Variants in SRPK2 observed in about 807,000 individuals in gnomAD.
SRPK2 encodes the protein SFRS protein kinase 2.
Under a neutral mutation model 90.8 loss-of-function variants are expected in SRPK2, and 21 were observed. The observed-to-expected ratio is 0.23, with a 90% CI of 0.16 to 0.33. SRPK2 has a LOEUF of 0.33. SRPK2 is among the 10% of genes least tolerant of loss of function. The pLI is 1.00. For missense variants in SRPK2, 620 were observed against 869.0 expected (o/e 0.71, Z 3.60); for synonymous variants, 288 against 311.1 (o/e 0.93, Z 0.78).
chr7:105,287,651 G>A (rs1161942532), intron 2 of SRPK2, among the ~76,000 whole-genome samples: 3 of 152,114 alleles, frequency 2.0e-5, no homozygotes, highest in Non-Finnish European at 2.9e-5. Flanking sequence ...TAGGAGAATC[G>A]CTTGAACCCA....
intron 2 of SRPK2, among the ~76,000 whole-genome samples, chr7:105,312,259 G>A (rs910420455): frequency 6.6e-6 from 1 of 152,060 alleles, no homozygotes; most frequent in Admixed American, 6.6e-5. Flanking sequence ...GGACAATATA[G>A]TGAAACTACG....
chr7:105,194,203 A>C (rs1013642881), intron 3 of SRPK2, among the ~76,000 whole-genome samples: 1 of 152,118 alleles, frequency 6.6e-6, no homozygotes, highest in Non-Finnish European at 1.5e-5. Context: ...TTTTTGCTAG[A>C]AACTTTACAG....
At chr7:105,176,745 G>A (rs1022601812) in intron 3 of SRPK2, among the ~76,000 whole-genome samples, 194 of 92,210 alleles carry the variant, frequency 2.1e-3, no homozygotes, top group Non-Finnish European at 3.1e-3. Flanking sequence ...ATGTATGTGT[G>A]TATATGTGTG....
intron 2 of SRPK2, among the ~76,000 whole-genome samples, chr7:105,352,267 CCTT>C (rs928319126): frequency 1.1e-4 from 17 of 152,188 alleles, no homozygotes; most frequent in African/African-American, 4.1e-4. Context: ...CCAGTAACTC[CCTT>C]CTAACAAACG....
At position 105,361,608 on chromosome 7, in the gene SRPK2, T is replaced by A. The variant is rs558623113; in HGVS notation, c.71+27040A>T. Among the ~76,000 whole-genome samples the A allele has an allele frequency of 9.2e-5, 14 of 152,292 alleles. No homozygotes were observed. The South Asian group carries it at 2.9e-3, about 32-fold the overall frequency. ...GGCTACAGTAACAAAAACAGCATGG[T>A]ACTGGTACCAAAACAGATATATAGA... is the stretch of plus-strand genomic sequence containing the variant. On this transcript the variant is annotated intron_variant, in intron 2 of 15. Coordinates refer to ENST00000393651, the MANE Select transcript of SRPK2 (RefSeq NM_182692.3).
intron 2 of SRPK2, among the ~76,000 whole-genome samples, chr7:105,334,923 CT>C (rs1233677154): frequency 2.7e-5 from 4 of 150,786 alleles, no homozygotes; most frequent in Admixed American, 6.6e-5. Flanking sequence ...TAATCCCAGA[CT>C]TTGGGAGGCC....
intron 2 of SRPK2, among the ~76,000 whole-genome samples, chr7:105,282,478 ATAAAAAT>A (rs900365404): frequency 5.3e-5 from 8 of 152,364 alleles, no homozygotes; most frequent in African/African-American, 1.9e-4. Context: ...ACTTAACATC[ATAAAAAT>A]TAAAAACATT....
intron 7 of SRPK2, among the ~76,000 whole-genome samples, chr7:105,154,568 C>T (rs567796223): frequency 2.0e-5 from 3 of 152,198 alleles, no homozygotes; most frequent in East Asian, 1.9e-4. Context: ...CCGTGGCTCT[C>T]GGCATACTAG....
chr7:105,287,406 T>C (rs1361895098), intron 2 of SRPK2, among the ~76,000 whole-genome samples: 1 of 151,674 alleles, frequency 6.6e-6, no homozygotes, highest in Admixed American at 6.6e-5. Context: ...CACAGGTACA[T>C]ATACATGTGT....
chr7:105,212,756 C>G lies in SRPK2; in HGVS notation c.72-8971G>C, dbSNP rs181654255. Among the ~76,000 whole-genome samples, 241 of 152,204 alleles carry G rather than the reference C, an allele frequency of 1.6e-3. 1 individual carries two copies. The highest frequency in any genetic ancestry group is 2.9e-3 in the Non-Finnish European group (194 of 67,998). On this transcript the variant is annotated intron_variant, in intron 2 of 15. Transcript: ENST00000393651. Reference sequence around the variant, plus strand: ...TGGGAAAACGCTGCAATTGTTAGTCCAGGACAGAGATGATTAAAAACTGGA... The same window carrying G: ...TGGGAAAACGCTGCAATTGTTAGTCGAGGACAGAGATGATTAAAAACTGGA...
chr7:105,388,836 T>C lies in SRPK2; in HGVS notation c.-30A>G. 1 of 1,333,666 alleles carries C rather than the reference T, an allele frequency of 7.5e-7. No individual in the cohort carries two copies. Among genetic ancestry groups the C allele is most frequent in the Non-Finnish European group, 9.5e-7 (1 of 1,047,918 alleles). The allele number at this position is 1,333,666 out of a possible 1,614,324, so 82.6% of individuals were successfully genotyped here. The stretch of plus-strand genomic sequence containing the variant: ...ACGCGGCGGAAGCGGGGCGGGGGGC[T>C]TCGCGACGGCGACGCGGGCGCCGAG... On this transcript the variant is annotated 5_prime_UTR_variant, in exon 1 of 16. Coordinates refer to ENST00000393651, the MANE Select transcript of SRPK2 (RefSeq NM_182692.3).
At chr7:105,302,151 A>G (rs1810626598) in intron 2 of SRPK2, 6 of 1,150,688 alleles carry the variant, frequency 5.2e-6, no homozygotes, top group Admixed American at 3.5e-5. Flanking sequence ...AAAATCTTTC[A>G]TTACCATTTT....
chr7:105,141,523 G>A (rs1803773305), intron 11 of SRPK2, among the ~76,000 whole-genome samples: 2 of 151,928 alleles, frequency 1.3e-5, no homozygotes, highest in Admixed American at 6.6e-5. Context: ...TACAATCCTG[G>A]GCCAGTTACC....
At chr7:105,154,980 A>G (rs1806285433) in intron 7 of SRPK2, among the ~76,000 whole-genome samples, 2 of 148,866 alleles carry the variant, frequency 1.3e-5, no homozygotes, top group Non-Finnish European at 3.0e-5. Context: ...GCCCACCCTT[A>G]TTCTTGTTTG....
At chr7:105,152,498 T>C (rs1465165553) in intron 7 of SRPK2, among the ~76,000 whole-genome samples, 2 of 152,038 alleles carry the variant, frequency 1.3e-5, no homozygotes, top group Non-Finnish European at 2.9e-5. Context: ...ACATTTGTCT[T>C]TCCAGTGAAG....
chr7:105,321,130 G>A lies in SRPK2; in HGVS notation c.71+67518C>T, dbSNP rs544926075. On this transcript the variant is annotated intron_variant, in intron 2 of 15. Coordinates refer to ENST00000393651, the MANE Select transcript of SRPK2 (RefSeq NM_182692.3). The stretch of plus-strand genomic sequence containing the variant: ...TTGCAGATGTGAGTCACTGCACCTG[G>A]CCCATATACAGTTCTTAAAAGTGAA... Among the ~76,000 whole-genome samples, 15 of 152,164 alleles carry A rather than the reference G, an allele frequency of 9.9e-5. No individual in the cohort carries two copies. The South Asian group carries it at 2.7e-3, about 27-fold the overall frequency.
At chr7:105,192,562 C>A (rs970321805) in intron 3 of SRPK2, among the ~76,000 whole-genome samples, 1 of 152,170 alleles carries the variant, frequency 6.6e-6, no homozygotes, top group African/African-American at 2.4e-5. Flanking sequence ...GGTAGATACT[C>A]AGTTAGTGGG....
chr7:105,126,431 A>G (rs1282585170), intron 14 of SRPK2, 91 bp from the exon 15 acceptor site: 1 of 943,188 alleles, frequency 1.1e-6, no homozygotes, highest in African/African-American at 1.7e-5. Flanking sequence ...ATTAGTAAAA[A>G]ATCAGAAATA....
At chr7:105,188,655 GA>G (rs1793895965) in intron 3 of SRPK2, among the ~76,000 whole-genome samples, 1 of 152,034 alleles carries the variant, frequency 6.6e-6, no homozygotes, top group African/African-American at 2.4e-5. Context: ...AAACAAAGAG[GA>G]AAAAATTTTA....
Sources: gnomAD v4.1 joint callset for allele counts (sites outside exome capture counted in the v4.1 genomes callset) on GRCh38, gnomAD v4.1.1 for gene constraint, MANE v1.5 for transcripts, NCBI Gene and HGNC (gene_info 2026-07-23, HGNC 2026-07-21) for gene names.